The following FNBP1L variants were observed in gnomAD, a reference collection of about 807,000 sequenced individuals.
FNBP1L encodes formin binding protein 1 like.
In FNBP1L, 36 loss-of-function variants were observed where a neutral mutation model predicts 91.2. That is an observed-to-expected ratio of 0.39 (90% CI 0.30 to 0.52). The LOEUF (loss-of-function observed/expected upper bound fraction) is 0.52, where lower values mean the gene tolerates loss of function less well. Among genes scored for constraint, FNBP1L ranks in the 20% least tolerant of loss-of-function variants. The pLI, the probability that FNBP1L is intolerant of heterozygous loss-of-function variation, is 0.66. For missense variants in FNBP1L, 571 were observed against 732.1 expected, an observed-to-expected ratio of 0.78 and a Z score of 2.54; for synonymous variants, 242 against 237.0, an observed-to-expected ratio of 1.02 and a Z score of -0.19.
At chr1:93,456,349 T>A (rs944947199) in intron 1 of FNBP1L, among the ~76,000 whole-genome samples, 1 of 152,148 alleles carries the variant, frequency 6.6e-6, no homozygotes, top group Non-Finnish European at 1.5e-5. Flanking sequence ...TGTATACTTG[T>A]TATAGTTTGA....
rs1430809351 is a variant in FNBP1L at position 93,448,266 on chromosome 1, G to C, written c.-16G>C. 6.6e-7 allele frequency: 1 copy of C among 1,520,024 alleles called. No homozygotes were observed. The highest frequency in any genetic ancestry group is 1.4e-5 in the African/African-American group (1 of 69,016). The allele number at this position is 1,520,024 out of a possible 1,614,324, so 94.2% of individuals were successfully genotyped here. On this transcript the variant is annotated 5_prime_UTR_variant, in exon 1 of 17. Coordinates refer to ENST00000271234, the MANE Select transcript of FNBP1L (RefSeq NM_001164473.3). ...TGAAGGACAGCGGCACCGCCAGACG[G>C]CCAGAAAGTTCCGCCATGAGCTGGG...
chr1:93,514,087 T>C (rs1048419931), intron 2 of FNBP1L, among the ~76,000 whole-genome samples: 14 of 151,456 alleles, frequency 9.2e-5, no homozygotes, highest in African/African-American at 2.9e-4. Flanking sequence ...GGATACAAAA[T>C]CAATGTACAA....
chr1:93,500,155 A>G (rs1670397945), intron 2 of FNBP1L, among the ~76,000 whole-genome samples: 1 of 152,220 alleles, frequency 6.6e-6, no homozygotes, highest in Non-Finnish European at 1.5e-5. Flanking sequence ...TGGTGCTTGA[A>G]GTCTGAAGAC....
chr1:93,484,349 A>G (rs1360124028), intron 1 of FNBP1L, among the ~76,000 whole-genome samples: 5 of 152,230 alleles, frequency 3.3e-5, no homozygotes, highest in Non-Finnish European at 7.3e-5. Flanking sequence ...GCAGTCACCA[A>G]GTAGATTGAG....
intron 2 of FNBP1L, among the ~76,000 whole-genome samples, chr1:93,516,301 G>T (rs1408622934): frequency 6.6e-6 from 1 of 152,044 alleles, no homozygotes; most frequent in Admixed American, 6.6e-5. Context: ...TTTGAACCGG[G>T]GACCTCTTGA....
At position 93,529,652 on chromosome 1, in the gene FNBP1L, A is replaced by T; in HGVS notation, c.406A>T (p.Ser136Cys). The change falls in exon 6 of 17, where the codon AGT (serine) becomes TGT (cysteine). Residue 136 changes from serine (S) to cysteine (C), a missense_variant and splice_region_variant. Transcript: ENST00000271234. ...TGTGATATTTTAATTTTTTTAACAGAGTAAAAAGAAGTTTGAAAGAGAATG... is the reference window on the plus strand; with the variant it reads ...TGTGATATTTTAATTTTTTTAACAGTGTAAAAAGAAGTTTGAAAGAGAATG... ...LDMCWKQMDN[S>C]KKKFERECRE... 6.8e-7 allele frequency: 1 copy of T among 1,470,752 alleles called. No homozygotes were observed. Among genetic ancestry groups the T allele is most frequent in the Non-Finnish European group, 9.0e-7 (1 of 1,109,350 alleles). The allele number at this position is 1,470,752 out of a possible 1,614,324, so 91.1% of individuals were successfully genotyped here.
chr1:93,524,102 T>G (rs1404025139), intron 4 of FNBP1L, among the ~76,000 whole-genome samples, 159 bp from the exon 5 acceptor site: 1 of 152,192 alleles, frequency 6.6e-6, no homozygotes, highest in Non-Finnish European at 1.5e-5. Context: ...ATTACTTTCT[T>G]CCTAAGTCTT....
intron 1 of FNBP1L, among the ~76,000 whole-genome samples, chr1:93,463,164 T>C (rs1668933956): frequency 6.6e-6 from 1 of 152,172 alleles, no homozygotes; most frequent in East Asian, 1.9e-4. Context: ...GGATTTTCTT[T>C]TAAAGCGCTT....
At chr1:93,517,467 C>T (rs1428101029) in intron 2 of FNBP1L, among the ~76,000 whole-genome samples, 8 of 152,172 alleles carry the variant, frequency 5.3e-5, no homozygotes. Context: ...ACTGAGATTG[C>T]AGGCGTGAGA....
chr1:93,532,751 T>C (rs1225936390), intron 7 of FNBP1L, among the ~76,000 whole-genome samples, 171 bp from the exon 8 acceptor site: 1 of 152,158 alleles, frequency 6.6e-6, no homozygotes, highest in African/African-American at 2.4e-5. Flanking sequence ...TTGTTTAGCA[T>C]GTCCCAGGTT....
intron 16 of FNBP1L, 65 bp downstream of exon 16, chr1:93,551,170 C>T (rs1672402362): frequency 1.4e-6 from 2 of 1,443,118 alleles, no homozygotes; most frequent in Non-Finnish European, 1.8e-6. Flanking sequence ...GGAAGAGTAA[C>T]ATAAAATGAA....
At chr1:93,456,777 CA>C (rs113415152) in intron 1 of FNBP1L, among the ~76,000 whole-genome samples, 444 of 131,816 alleles carry the variant, frequency 3.4e-3, no homozygotes, top group Middle Eastern at 7.9e-3. Context: ...GACCCTGTCT[CA>C]AAAAAAAAAA....
chr1:93,465,538 C>A (rs1570767941), intron 1 of FNBP1L, among the ~76,000 whole-genome samples: 1 of 152,146 alleles, frequency 6.6e-6, no homozygotes, highest in South Asian at 2.1e-4. Flanking sequence ...TGAACTCATC[C>A]TTTTTGATGG....
chr1:93,460,884 T>C (rs1393172639), intron 1 of FNBP1L, among the ~76,000 whole-genome samples: 1 of 152,250 alleles, frequency 6.6e-6, no homozygotes, highest in African/African-American at 2.4e-5. Context: ...GTTAATAATG[T>C]ATACTTGAAA....
At chr1:93,548,113 A>G (rs1672299831) in intron 14 of FNBP1L, among the ~76,000 whole-genome samples, 1 of 152,198 alleles carries the variant, frequency 6.6e-6, no homozygotes, top group African/African-American at 2.4e-5. Context: ...AGTAAATAAT[A>G]CACATAAAGC....
At chr1:93,529,241 A>G (rs1367432629) in intron 5 of FNBP1L, among the ~76,000 whole-genome samples, 1 of 152,082 alleles carries the variant, frequency 6.6e-6, no homozygotes, top group African/African-American at 2.4e-5. Context: ...TTTGAGTGAG[A>G]TATATAATAA....
intron 5 of FNBP1L, among the ~76,000 whole-genome samples, chr1:93,528,417 T>C (rs1048737828): frequency 1.8e-4 from 27 of 152,216 alleles, no homozygotes; most frequent in Non-Finnish European, 2.9e-5. Context: ...GCAATACTTT[T>C]AAGTTTTTGA....
chr1:93,537,297 C>CT (rs1671881180), intron 10 of FNBP1L, among the ~76,000 whole-genome samples: 1 of 152,058 alleles, frequency 6.6e-6, no homozygotes, highest in Non-Finnish European at 1.5e-5. Context: ...AGAAATCAGT[C>CT]TTTCAATGTC....
chr1:93,490,731 T>G (rs944803601), intron 1 of FNBP1L, among the ~76,000 whole-genome samples: 4 of 152,178 alleles, frequency 2.6e-5, no homozygotes, highest in African/African-American at 9.7e-5. Context: ...TCTTCTTTAT[T>G]TCTAACTTAC....
Sources: gnomAD v4.1 joint callset for allele counts (sites outside exome capture counted in the v4.1 genomes callset) on GRCh38, gnomAD v4.1.1 for gene constraint, MANE v1.5 for transcripts, NCBI Gene and HGNC (gene_info 2026-07-23, HGNC 2026-07-21) for gene names.